KCNN2: variants seen among roughly 807,000 people sequenced by gnomAD.
KCNN2 encodes small conductance calcium-activated potassium channel protein 2.
KCNN2 carries 24 observed loss-of-function variants against 55.5 expected under a neutral mutation model. The observed-to-expected ratio is 0.43, with a 90% CI of 0.31 to 0.61. KCNN2 has a LOEUF of 0.61. KCNN2 is among the 20% of genes least tolerant of loss of function. The pLI is 0.08. For missense variants in KCNN2, 754 were observed against 853.6 expected, an observed-to-expected ratio of 0.88 and a Z score of 1.45; for synonymous variants, 431 against 336.1, an observed-to-expected ratio of 1.28 and a Z score of -3.09.
intron 2 of KCNN2, among the ~76,000 whole-genome samples, chr5:114,300,425 G>C (rs1993516): frequency 0.32 from 48,254 of 152,000 alleles, 8,424 homozygotes; most frequent in Non-Finnish European, 0.4. Flanking sequence ...AATTACATTG[G>C]AGAATATTTC....
chr5:114,410,291 A>G (rs1759091550), intron 3 of KCNN2, among the ~76,000 whole-genome samples: 1 of 152,182 alleles, frequency 6.6e-6, no homozygotes, highest in South Asian at 2.1e-4. Context: ...GTAGGCAGCT[A>G]TTCACCCCAA....
intron 2 of KCNN2, among the ~76,000 whole-genome samples, chr5:114,392,905 G>T (rs1758495033): frequency 7.2e-6 from 1 of 139,096 alleles, no homozygotes; most frequent in African/African-American, 2.7e-5. Context: ...ATACATTTCT[G>T]TGCATTTTTG....
intron 1 of KCNN2, among the ~76,000 whole-genome samples, chr5:114,176,738 T>C (rs1255052165): frequency 6.6e-6 from 1 of 152,170 alleles, no homozygotes; most frequent in Admixed American, 6.5e-5. Context: ...TTTGAGAAGC[T>C]AGGTATTCAT....
chr5:114,278,941 T>C (rs1006239131), intron 2 of KCNN2, among the ~76,000 whole-genome samples: 1 of 152,136 alleles, frequency 6.6e-6, no homozygotes, highest in African/African-American at 2.4e-5. Flanking sequence ...AAATCACCGA[T>C]CTTCTGCATC....
intron 1 of KCNN2, among the ~76,000 whole-genome samples, chr5:114,195,759 T>G (rs761227581): frequency 1.3e-5 from 2 of 152,072 alleles, no homozygotes; most frequent in Admixed American, 6.6e-5. Flanking sequence ...GTCTTGTTCC[T>G]AATTTTAGAA....
intron 4 of KCNN2, among the ~76,000 whole-genome samples, chr5:114,464,439 T>TCTAA (rs1397001853): frequency 6.6e-6 from 1 of 152,318 alleles, no homozygotes; most frequent in East Asian, 1.9e-4. Context: ...GTTCAACACC[T>TCTAA]CTAACTGTAT....
At chr5:114,487,466 A>G (rs1484301165) in intron 6 of KCNN2, among the ~76,000 whole-genome samples, 3 of 152,160 alleles carry the variant, frequency 2.0e-5, no homozygotes, top group Non-Finnish European at 2.9e-5. Flanking sequence ...TGACCTATTT[A>G]TTCAGATAGT....
chr5:114,379,636 TG>T (rs1484069657), intron 2 of KCNN2, among the ~76,000 whole-genome samples: 6 of 93,930 alleles, frequency 6.4e-5, no homozygotes, highest in Admixed American at 1.2e-4. Flanking sequence ...ATTATATATT[TG>T]TAGAATATAT....
chr5:114,245,496 A>G (rs962413050), intron 2 of KCNN2, among the ~76,000 whole-genome samples: 10 of 152,236 alleles, frequency 6.6e-5, no homozygotes, highest in African/African-American at 2.4e-4. Flanking sequence ...GCCCAAATTC[A>G]CACAGCATCT....
At chr5:114,231,877 T>G (rs530130510) in intron 2 of KCNN2, among the ~76,000 whole-genome samples, 1 of 150,998 alleles carries the variant, frequency 6.6e-6, no homozygotes, top group South Asian at 2.1e-4. Flanking sequence ...TAAAACCTTC[T>G]ACTTGGCATT....
intron 2 of KCNN2, among the ~76,000 whole-genome samples, chr5:114,381,942 T>A (rs1758137642): frequency 6.6e-6 from 1 of 152,020 alleles, no homozygotes; most frequent in African/African-American, 2.4e-5. Flanking sequence ...GGGATGGGAG[T>A]TGGATACCTG....
intron 1 of KCNN2, among the ~76,000 whole-genome samples, chr5:114,074,293 C>CAT (rs1371308634): frequency 0.037 from 5,306 of 144,166 alleles, 343 homozygotes; most frequent in African/African-American, 0.13. Context: ...GCCATGTTTG[C>CAT]GTGTGTGTGT....
At chr5:114,167,724 C>T (rs572339879) in intron 1 of KCNN2, among the ~76,000 whole-genome samples, 15 of 152,172 alleles carry the variant, frequency 9.9e-5, no homozygotes, top group Non-Finnish European at 1.6e-4. Flanking sequence ...TGAAAATGTA[C>T]AAACTGATTG....
intron 2 of KCNN2, among the ~76,000 whole-genome samples, chr5:114,319,689 T>C (rs1352984097): frequency 1.3e-5 from 2 of 152,218 alleles, no homozygotes; most frequent in African/African-American, 4.8e-5. Context: ...GAATGTAATA[T>C]AACACAATTG....
intron 2 of KCNN2, among the ~76,000 whole-genome samples, chr5:114,272,313 CACAT>C (rs1441067371): frequency 2.0e-5 from 3 of 150,872 alleles, no homozygotes; most frequent in Admixed American, 1.3e-4. Context: ...ATCACACACA[CACAT>C]ATATGTATGT....
At chr5:114,495,280 A>G (rs1671290430) in intron 7 of KCNN2, among the ~76,000 whole-genome samples, 1 of 152,214 alleles carries the variant, frequency 6.6e-6, no homozygotes, top group African/African-American at 2.4e-5. Context: ...TCAATGGGTT[A>G]TCTGTAAAAA....
At chr5:114,068,378 C>T (rs939396527) in intron 1 of KCNN2, among the ~76,000 whole-genome samples, 1 of 152,172 alleles carries the variant, frequency 6.6e-6, no homozygotes, top group Non-Finnish European at 1.5e-5. Flanking sequence ...TGTATGGCCA[C>T]ATACAAATTT....
chr5:114,303,307 T>C (rs796457264), intron 2 of KCNN2, among the ~76,000 whole-genome samples: 14 of 152,350 alleles, frequency 9.2e-5, no homozygotes, highest in African/African-American at 3.1e-4. Context: ...TGAGAAATGC[T>C]GAACATCACA....
Position 114,415,719 on chromosome 5 carries a change from T to G in KCNN2, c.1637+10863T>G, listed in dbSNP as rs144613919. Among the ~76,000 whole-genome samples the G allele has an allele frequency of 3.9e-5, 6 of 152,344 alleles. No individual in the cohort carries two copies. In the East Asian group the frequency reaches 1.2e-3, roughly 29 times the overall value. On this transcript the variant is annotated intron_variant, in intron 3 of 7. Transcript: ENST00000673685. ...GCAAAATGGCAATTCAAATTGCCCA[T>G]TTTTAAACTGGGGCATTTGTCTTAT... is the stretch of plus-strand genomic sequence containing the variant.
Sources: allele counts gnomAD v4.1 joint callset (sites outside exome capture counted in the v4.1 genomes callset), GRCh38; gene constraint gnomAD v4.1.1; transcripts MANE v1.5; gene names NCBI Gene and HGNC (gene_info 2026-07-23, HGNC 2026-07-21).